Variants in CEP192 observed in about 807,000 individuals in gnomAD.
CEP192 encodes centrosomal protein 192.
Under a neutral mutation model 271.8 loss-of-function variants are expected in CEP192, and 151 were observed. That is an observed-to-expected ratio of 0.56 (90% CI 0.49 to 0.64). The LOEUF is 0.64. Ranked by LOEUF, CEP192 falls within the 30% of genes least tolerant of loss-of-function variation. The pLI is 0.00. For synonymous variants in CEP192, 995 were observed against 1,076.5 expected (o/e 0.92, Z 1.48); for missense variants, 2,910 against 3,020.5 (o/e 0.96, Z 0.86).
rs770370740 is a variant in CEP192, at chr18:13,087,663, A to G, written c.5993+17A>G. The G allele has an allele frequency of 7.7e-5, 101 of 1,313,436 alleles. No homozygotes were observed. Among genetic ancestry groups the G allele is most frequent in the Non-Finnish European group, 1.0e-4 (97 of 942,346 alleles). 81.4% of individuals were successfully genotyped at this position (1,313,436 alleles called of 1,614,324 possible). ...GTATCGCAGGTAGATTACTTATCTT[A>G]CACAATGTTGGGAACCATTCAGCAG... On this transcript the variant is annotated intron_variant, in intron 32 of 44. Coordinates refer to ENST00000506447, the MANE Select transcript of CEP192 (RefSeq NM_032142.4).
At position 13,113,604 on chromosome 18, in the gene CEP192, C is replaced by A. The variant is rs968872791; in HGVS notation, c.7066C>A (p.Pro2356Thr). The A allele has an allele frequency of 3.1e-6, 5 of 1,612,276 alleles. No homozygotes were observed. The highest frequency in any genetic ancestry group is 8.5e-7 in the Non-Finnish European group (1 of 1,179,280). The change falls in exon 41 of 45, where the codon CCC (proline) becomes ACC (threonine). Residue 2356 changes from proline (P) to threonine (T), a missense_variant. Transcript: ENST00000506447. ...GIQKVSITFL[P>T]RGRGDYAQFW... Reference sequence around the variant, plus strand: ...TTCGTAGGTCTCCATCACATTTTTGCCCAGAGGTAGGGGGGATTATGCCCA... The same window carrying A: ...TTCGTAGGTCTCCATCACATTTTTGACCAGAGGTAGGGGGGATTATGCCCA...
intron 4 of CEP192, 74 bp from the exon 5 acceptor site, chr18:13,012,899 A>G (rs2034443932): frequency 2.7e-6 from 2 of 752,132 alleles, no homozygotes; most frequent in Non-Finnish European, 4.4e-6. Context: ...ATTTCTTGCT[A>G]TTTTTAGGTA....
At chr18:13,057,253 G>GT (rs1448614630) in intron 19 of CEP192, among the ~76,000 whole-genome samples, 12,929 of 29,880 alleles carry the variant, frequency 0.43, 652 homozygotes, top group South Asian at 0.52. Flanking sequence ...GGTTTTTTTT[G>GT]TTTGTTTTTT....
chr18:13,041,591 T>C (rs1311655842), intron 14 of CEP192, among the ~76,000 whole-genome samples: 2 of 151,692 alleles, frequency 1.3e-5, no homozygotes, highest in East Asian at 3.9e-4. Context: ...CTTTTTTTTT[T>C]TTTTGAGACA....
At chr18:13,068,802 A>C in intron 24 of CEP192, 50 bp from the exon 25 acceptor site, 1 of 1,607,822 alleles carries the variant, frequency 6.2e-7, no homozygotes, top group Non-Finnish European at 8.5e-7. Context: ...TGGCATTTAG[A>C]ATTAAATAAC....
Position 13,012,964 on chromosome 18 carries a change from C to T in CEP192, c.467-9C>T, listed in dbSNP as rs1026499522. ...TGGTCTCTCAGTTTGTTTTTGTTTTCTTACACAGACTCACCTATTGATTTT... is the reference window on the plus strand; with the variant it reads ...TGGTCTCTCAGTTTGTTTTTGTTTTTTTACACAGACTCACCTATTGATTTT... On this transcript the variant is annotated splice_polypyrimidine_tract_variant and intron_variant, in intron 4 of 44. Transcript: ENST00000506447. The T allele has an allele frequency of 6.7e-7, 1 of 1,487,836 alleles. No homozygotes were observed. The highest frequency in any genetic ancestry group is 2.5e-5 in the East Asian group (1 of 40,486). 92.2% of individuals were successfully genotyped at this position (1,487,836 alleles called of 1,614,324 possible). A position where few individuals can be genotyped will look rare whatever the true frequency, so the allele number is the denominator to read the frequency against.
intron 21 of CEP192, among the ~76,000 whole-genome samples, chr18:13,059,723 A>G (rs930985568): frequency 5.9e-5 from 9 of 152,212 alleles, no homozygotes; most frequent in African/African-American, 1.7e-4. Flanking sequence ...AGTTGGGATA[A>G]TAAGTGGTCA....
chr18:13,016,974 T>C (rs923422731), intron 6 of CEP192, among the ~76,000 whole-genome samples: 4 of 152,190 alleles, frequency 2.6e-5, no homozygotes, highest in African/African-American at 7.2e-5. Context: ...TTCTGTCCTG[T>C]CTTCTCAAAG....
chr18:13,112,473 C>T (rs1232218495), intron 40 of CEP192, among the ~76,000 whole-genome samples: 1 of 152,218 alleles, frequency 6.6e-6, no homozygotes, highest in African/African-American at 2.4e-5. Flanking sequence ...AGCTGAGATA[C>T]TGAATGTTAA....
chr18:13,088,755 G>T lies in CEP192; in HGVS notation c.5994-701G>T, dbSNP rs1376060619. On this transcript the variant is annotated intron_variant, in intron 32 of 44. Transcript: ENST00000506447. The stretch of plus-strand genomic sequence containing the variant: ...TTGTTTTGTTTTTAATTTGTTGAGG[G>T]TCATTGGAATGTTTTACAAGAGGGA... The T allele has an allele frequency of 1.7e-5, 4 of 237,948 alleles. No individual in the cohort carries two copies. The East Asian group carries it at 3.1e-4, about 18-fold the overall frequency. 14.7% of individuals were successfully genotyped at this position (237,948 alleles called of 1,614,324 possible).
Position 13,087,067 on chromosome 18 carries a change from T to TA in CEP192, c.5673dup (p.Leu1892IlefsTer3). The TA allele has an allele frequency of 6.2e-7, 1 of 1,613,250 alleles. No homozygotes were observed. The highest frequency in any genetic ancestry group is 8.5e-7 in the Non-Finnish European group (1 of 1,179,242). The stretch of plus-strand genomic sequence containing the variant: ...CAAGCAATCTTATTTTGGAAGGCGT[T>TA]AAAAAATTATCTGACAGTTACATGG... On this transcript the variant is annotated frameshift_variant, in exon 31 of 45. Coordinates refer to ENST00000506447, the MANE Select transcript of CEP192 (RefSeq NM_032142.4). LOFTEE classifies it high-confidence loss of function.
intron 40 of CEP192, among the ~76,000 whole-genome samples, chr18:13,107,322 C>G (rs537131573): frequency 4.7e-4 from 71 of 152,252 alleles, no homozygotes; most frequent in South Asian, 2.5e-3. Flanking sequence ...ACAGTGAGAC[C>G]TTGTCTCAAA....
At position 13,005,221 on chromosome 18, in the gene CEP192, G is replaced by T. The variant is rs190635415; in HGVS notation, c.291-3235G>T. On this transcript the variant is annotated intron_variant, in intron 3 of 44. Coordinates refer to ENST00000506447, the MANE Select transcript of CEP192 (RefSeq NM_032142.4). Reference sequence around the variant, plus strand: ...TAGCAATGTCCTCACAGGCTATTCAGGCTTTCATTAAAGTAGTAAGGTGAA... The same window carrying T: ...TAGCAATGTCCTCACAGGCTATTCATGCTTTCATTAAAGTAGTAAGGTGAA... Among the ~76,000 whole-genome samples the T allele has an allele frequency of 2.7e-3, 404 of 152,292 alleles. 3 individuals are homozygous for T. The highest frequency in any genetic ancestry group is 1.5e-3 in the Non-Finnish European group (104 of 68,022).
Position 13,086,959 on chromosome 18 carries a change from C to T in CEP192, c.5617-58C>T, listed in dbSNP as rs1377057024. ...TCTGAATTTTCTTCTCACTGTAATTCAGTGTTTCGCTTTCTGCTTAACATT... is the reference window on the plus strand; with the variant it reads ...TCTGAATTTTCTTCTCACTGTAATTTAGTGTTTCGCTTTCTGCTTAACATT... On this transcript the variant is annotated intron_variant, in intron 30 of 44. Transcript: ENST00000506447. 3.3e-6 allele frequency: 4 copies of T among 1,196,092 alleles called. No individual in the cohort carries two copies. The Admixed American group carries it at 8.4e-5, about 25-fold the overall frequency. 74.1% of individuals were successfully genotyped at this position (1,196,092 alleles called of 1,614,324 possible). A position where few individuals can be genotyped will look rare whatever the true frequency, so the allele number is the denominator to read the frequency against.
At chr18:13,086,232 T>C (rs1315067908) in intron 30 of CEP192, among the ~76,000 whole-genome samples, 1 of 152,230 alleles carries the variant, frequency 6.6e-6, no homozygotes, top group Non-Finnish European at 1.5e-5. Context: ...ACATTGACTT[T>C]GTGTCCTGAG....
At position 13,049,462 on chromosome 18, in the gene CEP192, G is replaced by A. The variant is rs554208786; in HGVS notation, c.2671G>A (p.Val891Ile). 7.1e-5 allele frequency: 114 copies of A among 1,614,128 alleles called. 4 individuals carry two copies. The South Asian group carries it at 1.2e-3, about 16-fold the overall frequency. The part of the protein sequence containing the change: ...TCSIDNKLQD[V>I]GNDEKATSIS... ...TTCCATTGACAACAAATTACAAGAT[G>A]TTGGTAACGATGAAAAAGCTACCTC... Residue 891 changes from valine (V) to isoleucine (I), a missense_variant, in exon 16 of 45, where the codon GTT becomes ATT. By Grantham distance (29) the Val-to-Ile change is conservative. Coordinates refer to ENST00000506447, the MANE Select transcript of CEP192 (RefSeq NM_032142.4).
chr18:13,100,459 A>G lies in CEP192; in HGVS notation c.6818A>G (p.Glu2273Gly). The G allele has an allele frequency of 6.2e-7, 1 of 1,614,138 alleles. No individual in the cohort carries two copies. The highest frequency in any genetic ancestry group is 1.1e-5 in the South Asian group (1 of 91,086). The change falls in exon 38 of 45, where the codon GAA becomes GGA. Residue 2273 changes from glutamate (E) to glycine (G), a missense_variant. Physicochemically the swap from Glu to Gly is moderately conservative, Grantham distance 98. Coordinates refer to ENST00000506447, the MANE Select transcript of CEP192 (RefSeq NM_032142.4). ...ACAAAACCGCCTTCCACAAAAGTTG[A>G]AATAAGAAACAAGAGTATTACTTTT... is the stretch of plus-strand genomic sequence containing the variant. ...PMTKPPSTKV[E>G]IRNKSITFPT...
At chr18:13,046,059 G>C (rs1024026289) in intron 15 of CEP192, among the ~76,000 whole-genome samples, 60 of 152,174 alleles carry the variant, frequency 3.9e-4, no homozygotes, top group African/African-American at 1.3e-3. Flanking sequence ...ATAAAGAAAA[G>C]AGGTTTAACG....
intron 44 of CEP192, among the ~76,000 whole-genome samples, chr18:13,121,330 T>C (rs1360812705): frequency 6.6e-6 from 1 of 152,182 alleles, no homozygotes; most frequent in Non-Finnish European, 1.5e-5. Context: ...GTACAGGAGA[T>C]GATTACTTAC....
Sources: allele counts gnomAD v4.1 joint callset (sites outside exome capture counted in the v4.1 genomes callset), GRCh38; gene constraint gnomAD v4.1.1; transcripts MANE v1.5; gene names NCBI Gene and HGNC (gene_info 2026-07-23, HGNC 2026-07-21).